Variants in SFSWAP observed in about 807,000 individuals in gnomAD.
SFSWAP encodes the protein splicing factor SWAP.
SFSWAP carries 17 observed loss-of-function variants against 100.7 expected under a neutral mutation model. That is an observed-to-expected ratio of 0.17 (90% confidence interval 0.12 to 0.25). The LOEUF (loss-of-function observed/expected upper bound fraction) is 0.25. Among genes scored for constraint, SFSWAP ranks in the 10% least tolerant of loss-of-function variants. SFSWAP has a pLI of 1.00. For synonymous variants in SFSWAP, 504 were observed against 510.1 expected (o/e 0.99, Z 0.16); for missense variants, 1,005 against 1,262.6 (o/e 0.80, Z 3.09).
intron 13 of SFSWAP, 147 bp from the exon 14 acceptor site, chr12:131,777,918 T>C: frequency 7.6e-7 from 1 of 1,311,784 alleles, no homozygotes; most frequent in Admixed American, 2.8e-5. Flanking sequence ...GACAAGGAGG[T>C]CACTCTGGAT....
At chr12:131,759,616 G>A (rs984276065) in intron 11 of SFSWAP, among the ~76,000 whole-genome samples, 14 of 151,792 alleles carry the variant, frequency 9.2e-5, no homozygotes, top group South Asian at 2.1e-4. Flanking sequence ...TGGCTAACAC[G>A]GTGAAACCCC....
At chr12:131,785,314 A>C in intron 14 of SFSWAP, 3 of 1,317,644 alleles carry the variant, frequency 2.3e-6, no homozygotes, top group Non-Finnish European at 3.1e-6. Context: ...TGTCCGTTAA[A>C]GGGCAGCCAC....
At chr12:131,796,574 GA>G (rs1885693083) in intron 15 of SFSWAP, 1 of 152,658 alleles carries the variant, frequency 6.6e-6, no homozygotes, top group African/African-American at 2.4e-5. Context: ...GGCAGGTCAG[GA>G]AGAAGTGCCA....
At chr12:131,746,213 G>A (rs775245991) in intron 7 of SFSWAP, among the ~76,000 whole-genome samples, 5 of 152,238 alleles carry the variant, frequency 3.3e-5, no homozygotes, top group Admixed American at 6.5e-5. Flanking sequence ...AGAAGTCAGT[G>A]TGCATGTGGA....
At chr12:131,713,734 C>T (rs559929388) in intron 1 of SFSWAP, 7 of 175,396 alleles carry the variant, frequency 4.0e-5, no homozygotes, top group Non-Finnish European at 8.3e-5. Context: ...TTGCAAGTGG[C>T]ATTGAATGGT....
chr12:131,753,138 T>C lies in SFSWAP; in HGVS notation c.1097T>C (p.Met366Thr), dbSNP rs373129310. The C allele has an allele frequency of 5.6e-6, 9 of 1,614,062 alleles. No individual in the cohort carries two copies. Among genetic ancestry groups the C allele is most frequent in the African/African-American group, 5.3e-5 (4 of 74,914 alleles). Residue 366 changes from methionine (M) to threonine (T), a missense_variant, in exon 8 of 18, where the codon ATG (methionine) becomes ACG (threonine). By Grantham distance (81) the Met-to-Thr change is moderately conservative (BLOSUM62 -1). Coordinates refer to ENST00000261674, the MANE Select transcript of SFSWAP (RefSeq NM_004592.4). The part of the protein sequence containing the change: ...EYTADSTVAA[M>T]YYSYYMLPDG... ...GTCTCCACAGCGACCGTGGCAGCCATGTATTACAGCTACTACATGCTACCG... is the reference window on the plus strand; with the variant it reads ...GTCTCCACAGCGACCGTGGCAGCCACGTATTACAGCTACTACATGCTACCG...
intron 3 of SFSWAP, among the ~76,000 whole-genome samples, chr12:131,717,622 T>G (rs1177788211): frequency 6.6e-6 from 1 of 152,240 alleles, no homozygotes; most frequent in Admixed American, 6.5e-5. Context: ...TTAAAATGCC[T>G]TGATTTTTAT....
Position 131,756,515 on chromosome 12 carries a change from G to A in SFSWAP, c.1591G>A (p.Glu531Lys), listed in dbSNP as rs1486898897. The A allele has an allele frequency of 1.2e-5, 19 of 1,613,948 alleles. No homozygotes were observed. In the East Asian group the frequency reaches 1.3e-4, roughly 11 times the overall value. The change falls in exon 11 of 18, where the codon GAG (glutamate) becomes AAG (lysine). Residue 531 changes from glutamate (E) to lysine (K), a missense_variant. Transcript: ENST00000261674. ...PEEAPTDSAP[E>K]KPSDAGEDGA... is the part of the protein sequence containing the mutation. ...AGAGGCTCCCACAGACTCTGCTCCC[G>A]AGAAGCCAAGTGATGCTGGGGAGGA...
At chr12:131,727,732 A>G (rs930869617) in intron 6 of SFSWAP, among the ~76,000 whole-genome samples, 2 of 152,196 alleles carry the variant, frequency 1.3e-5, no homozygotes, top group African/African-American at 2.4e-5. Context: ...CTATGTTACC[A>G]TCATAGATTG....
intron 8 of SFSWAP, 88 bp downstream of exon 8, chr12:131,753,451 AATCTAG>A: frequency 6.8e-7 from 1 of 1,476,124 alleles, no homozygotes; most frequent in South Asian, 1.3e-5. Context: ...GGGGGCTTGT[AATCTAG>A]ATCATATACA....
intron 15 of SFSWAP, among the ~76,000 whole-genome samples, chr12:131,788,531 G>T (rs928531559): frequency 7.4e-4 from 106 of 143,922 alleles, no homozygotes; most frequent in African/African-American, 2.5e-3. Flanking sequence ...TTTTGGGGGC[G>T]TTTTTTTTTT....
At chr12:131,783,821 T>TATATATAA (rs57488564) in intron 14 of SFSWAP, 1 of 131,664 alleles carries the variant, frequency 7.6e-6, no homozygotes, top group Admixed American at 8.0e-5. Flanking sequence ...TATATATATA[T>TATATATAA]AATTCTTTGT....
chr12:131,723,698 A>G (rs1055761952), intron 4 of SFSWAP, among the ~76,000 whole-genome samples: 2 of 152,042 alleles, frequency 1.3e-5, no homozygotes, highest in Non-Finnish European at 2.9e-5. Context: ...GCCTTTTCCA[A>G]AGCTCTTAGG....
chr12:131,797,692 A>G (rs1022024894), intron 16 of SFSWAP, among the ~76,000 whole-genome samples: 15 of 152,218 alleles, frequency 9.9e-5, no homozygotes, highest in African/African-American at 3.6e-4. Flanking sequence ...TAGACCGGGA[A>G]CTGTCACCAG....
At chr12:131,737,975 A>G (rs1880195909) in intron 7 of SFSWAP, among the ~76,000 whole-genome samples, 1 of 152,092 alleles carries the variant, frequency 6.6e-6, no homozygotes, top group South Asian at 2.1e-4. Context: ...ATAAATCCTT[A>G]TAGAAGAGTA....
At chr12:131,712,852 G>A (rs903594190) in intron 1 of SFSWAP, 1 of 152,194 alleles carries the variant, frequency 6.6e-6, no homozygotes, top group African/African-American at 2.4e-5. Context: ...TGAAGTCTGA[G>A]CTCTTTGTAC....
chr12:131,747,462 G>C (rs917852354), intron 7 of SFSWAP, among the ~76,000 whole-genome samples: 6 of 152,216 alleles, frequency 3.9e-5, no homozygotes, highest in Non-Finnish European at 5.9e-5. Flanking sequence ...TGAGGTAGGA[G>C]AAGCAGGCAG....
chr12:131,766,680 G>A (rs993157497), intron 13 of SFSWAP, among the ~76,000 whole-genome samples: 1 of 152,058 alleles, frequency 6.6e-6, no homozygotes, highest in African/African-American at 2.4e-5. Flanking sequence ...CCAGTATTGC[G>A]CTCACACGTG....
At position 131,711,514 on chromosome 12, in the gene SFSWAP, C is replaced by T; in HGVS notation, c.218+67C>T. 7.4e-7 allele frequency: 1 copy of T among 1,358,360 alleles called. No individual in the cohort carries two copies. Among genetic ancestry groups the T allele is most frequent in the Admixed American group, 1.7e-5 (1 of 57,168 alleles). The allele number at this position is 1,358,360 out of a possible 1,614,324, so 84.1% of individuals were successfully genotyped here. ...CCCGCTTGATCTCGTCTGATGTTGA[C>T]TTGACTGCAAGGACTGCAGAGAGTT... On this transcript the variant is annotated intron_variant, in intron 1 of 17. Coordinates refer to ENST00000261674, the MANE Select transcript of SFSWAP (RefSeq NM_004592.4). This position sits in a 1 kb window ranked among gnomAD's most constrained non-coding sequence, Gnocchi z 4.9.
Sources: gnomAD v4.1 joint callset for allele counts (sites outside exome capture counted in the v4.1 genomes callset) on GRCh38, gnomAD v4.1.1 for gene constraint, Gnocchi (gnomAD v3.1) non-coding constraint, MANE v1.5 for transcripts, NCBI Gene and HGNC (gene_info 2026-07-23, HGNC 2026-07-21) for gene names.